SH3YL1: variants seen among roughly 807,000 people sequenced by gnomAD.
SH3YL1 encodes the protein SH3 domain-containing YSC84-like protein 1.
Under a neutral mutation model 45.8 loss-of-function variants are expected in SH3YL1, and 41 were observed. That is an observed-to-expected ratio of 0.89 (90% CI 0.70 to 1.16). SH3YL1 has a LOEUF of 1.16. Among genes scored for constraint, SH3YL1 ranks in the 50% most tolerant of loss-of-function variants. The pLI is 0.00. For missense variants in SH3YL1, 389 were observed against 409.6 expected, an observed-to-expected ratio of 0.95 and a Z score of 0.43; for synonymous variants, 152 against 151.4, an observed-to-expected ratio of 1.00 and a Z score of -0.03.
In SH3YL1 at chr2:234,234, A is replaced by C; in HGVS notation, c.330T>G (p.Ala110=). ...DLVIILNYDR[A]VEAFAKGGNL... The stretch of plus-strand genomic sequence containing the variant: ...TTCCGCCTTTTGCAAAAGCTTCTAC[A>C]GCACGGTCATAATTCAGAATTATCA... The change falls in exon 5 of 10, where the codon GCT becomes GCG. Residue 110 remains alanine (A), a synonymous_variant. Transcript: ENST00000356150. The C allele has an allele frequency of 6.2e-7, 1 of 1,614,166 alleles. No individual in the cohort carries two copies. Among genetic ancestry groups the C allele is most frequent in the Non-Finnish European group, 8.5e-7 (1 of 1,180,010 alleles).
At chr2:254,765 C>G (rs1669239405) in intron 1 of SH3YL1, among the ~76,000 whole-genome samples, 1 of 152,152 alleles carries the variant, frequency 6.6e-6, no homozygotes, top group Non-Finnish European at 1.5e-5. Flanking sequence ...TCCCTGTGGA[C>G]AACAGATGGA....
chr2:239,540 G>A (rs1055926719), intron 4 of SH3YL1: 1 of 152,096 alleles, frequency 6.6e-6, no homozygotes, highest in Non-Finnish European at 1.5e-5. Flanking sequence ...AAGTGAAAGG[G>A]GGTATTTAAG....
chr2:256,805 G>A (rs1304595587), intron 1 of SH3YL1: 1 of 152,210 alleles, frequency 6.6e-6, no homozygotes, highest in East Asian at 1.9e-4. Flanking sequence ...CCACCTAAGA[G>A]TTCTCTAAAG....
intron 1 of SH3YL1, chr2:259,340 T>C (rs897027309): frequency 6.6e-6 from 1 of 151,616 alleles, no homozygotes; most frequent in African/African-American, 2.4e-5. Context: ...TTACAGGGGG[T>C]TTCTCTCTGT....
intron 9 of SH3YL1, among the ~76,000 whole-genome samples, chr2:222,075 G>A (rs1667604319): frequency 6.6e-6 from 1 of 152,122 alleles, no homozygotes; most frequent in Non-Finnish European, 1.5e-5. Flanking sequence ...AAAAAGCTAG[G>A]CATTCACAGA....
At chr2:257,723 C>T (rs1486878700) in intron 1 of SH3YL1, among the ~76,000 whole-genome samples, 1 of 152,170 alleles carries the variant, frequency 6.6e-6, no homozygotes, top group East Asian at 1.9e-4. Context: ...CTGGGGGCTG[C>T]CCGACTTGCA....
At chr2:220,188 CAAT>C (rs3976788) in intron 9 of SH3YL1, among the ~76,000 whole-genome samples, 21 of 144,560 alleles carry the variant, frequency 1.5e-4, no homozygotes, top group African/African-American at 3.3e-4. Context: ...ACCCATAATA[CAAT>C]AATAATAATA....
intron 8 of SH3YL1, among the ~76,000 whole-genome samples, chr2:225,349 GA>G (rs1194417309): frequency 6.6e-6 from 1 of 152,238 alleles, no homozygotes; most frequent in Non-Finnish European, 1.5e-5. Flanking sequence ...GAAAGAGGCA[GA>G]ACGGTCTGGG....
chr2:253,235 T>G, intron 1 of SH3YL1, 120 bp from the exon 2 acceptor site: 2 of 620,436 alleles, frequency 3.2e-6, no homozygotes, highest in Non-Finnish European at 5.5e-6. Context: ...AGGGACTCCA[T>G]TTTGAATAGG....
intron 4 of SH3YL1, among the ~76,000 whole-genome samples, chr2:245,140 C>G (rs145992654): frequency 3.0e-4 from 45 of 152,238 alleles, no homozygotes; most frequent in African/African-American, 1.1e-3. Context: ...ACAGTGCTTT[C>G]TGTTAACATT....
intron 8 of SH3YL1, chr2:229,757 T>C (rs544291092): frequency 1.3e-5 from 5 of 382,600 alleles, no homozygotes; most frequent in Non-Finnish European, 2.4e-5. Context: ...AAAGAAAGTG[T>C]CTTATGAATA....
chr2:242,095 T>C (rs1175580941), intron 4 of SH3YL1: 1 of 152,082 alleles, frequency 6.6e-6, no homozygotes, highest in Non-Finnish European at 1.5e-5. Flanking sequence ...ATAGAAATAT[T>C]ATATACTAGA....
intron 1 of SH3YL1, chr2:260,411 G>C (rs1208024984): frequency 1.3e-5 from 2 of 152,232 alleles, no homozygotes; most frequent in South Asian, 2.1e-4. Flanking sequence ...CGAGGCTGCT[G>C]TATCAGGACG....
intron 1 of SH3YL1, among the ~76,000 whole-genome samples, chr2:257,219 GA>G (rs1328665681): frequency 6.6e-6 from 1 of 152,072 alleles, no homozygotes; most frequent in African/African-American, 2.4e-5. Flanking sequence ...TTGCTGTTCA[GA>G]AGCTCTTTAG....
At chr2:219,235 T>C (rs1464279297) in intron 9 of SH3YL1, among the ~76,000 whole-genome samples, 1 of 152,238 alleles carries the variant, frequency 6.6e-6, no homozygotes, top group African/African-American at 2.4e-5. Context: ...AAATTTTGAA[T>C]AATCTATGAG....
intron 8 of SH3YL1, among the ~76,000 whole-genome samples, chr2:225,271 C>T (rs1005380525): frequency 6.6e-6 from 1 of 152,240 alleles, no homozygotes; most frequent in Non-Finnish European, 1.5e-5. Context: ...TGCATAAGAG[C>T]CATTCACTAA....
chr2:260,033 T>G (rs539302637), intron 1 of SH3YL1: 1 of 152,266 alleles, frequency 6.6e-6, no homozygotes, highest in East Asian at 1.9e-4. Flanking sequence ...CAGGAAAAAG[T>G]ACAGATATGA....
intron 8 of SH3YL1, among the ~76,000 whole-genome samples, chr2:226,384 TGAA>T (rs1188872829): frequency 1.3e-5 from 2 of 152,086 alleles, no homozygotes; most frequent in Admixed American, 6.6e-5. Flanking sequence ...ACCAATGAAA[TGAA>T]GAGACTTTTC....
At chr2:242,022 G>A (rs999686161) in intron 4 of SH3YL1, 1 of 151,956 alleles carries the variant, frequency 6.6e-6, no homozygotes, top group Non-Finnish European at 1.5e-5. Flanking sequence ...TAAATGCATA[G>A]TTCTTCTCTT....
Sources: allele counts gnomAD v4.1 joint callset (sites outside exome capture counted in the v4.1 genomes callset), GRCh38; gene constraint gnomAD v4.1.1; transcripts MANE v1.5; gene names NCBI Gene and HGNC (gene_info 2026-07-23, HGNC 2026-07-21).